The following PARVA variants were observed in gnomAD, a reference collection of about 807,000 sequenced individuals.
The protein encoded by PARVA is parvin alpha.
PARVA carries 25 observed loss-of-function variants against 52.6 expected under a neutral mutation model. The observed-to-expected ratio is 0.48, with a 90% CI of 0.35 to 0.66. The LOEUF (loss-of-function observed/expected upper bound fraction) is 0.66. PARVA is among the 30% of genes least tolerant of loss of function. The pLI, the probability that PARVA is intolerant of heterozygous loss-of-function variation, is 0.01. For missense variants in PARVA, 373 were observed against 450.9 expected (o/e 0.83, Z 1.56); for synonymous variants, 185 against 179.1 (o/e 1.03, Z -0.26).
chr11:12,420,753 C>A (rs762562399), intron 1 of PARVA, among the ~76,000 whole-genome samples: 3 of 152,200 alleles, frequency 2.0e-5, no homozygotes, highest in Non-Finnish European at 2.9e-5. Flanking sequence ...TCTTACCAAT[C>A]TTGTGGGGCA....
At chr11:12,491,972 C>G (rs1941239564) in intron 4 of PARVA, among the ~76,000 whole-genome samples, 1 of 152,188 alleles carries the variant, frequency 6.6e-6, no homozygotes, top group Non-Finnish European at 1.5e-5. Context: ...AATTCTCTGA[C>G]TACAATGCAA....
At chr11:12,500,658 G>A (rs2135063931) in intron 5 of PARVA, among the ~76,000 whole-genome samples, 2 of 151,610 alleles carry the variant, frequency 1.3e-5, no homozygotes, top group East Asian at 3.9e-4. Flanking sequence ...CAGCGTGGTG[G>A]CAGGTGCCTG....
At chr11:12,490,528 A>AAG (rs1554900463) in intron 4 of PARVA, among the ~76,000 whole-genome samples, 79 of 149,426 alleles carry the variant, frequency 5.3e-4, no homozygotes, top group Admixed American at 1.1e-3. Flanking sequence ...AAAAAAAAAA[A>AAG]AGAGAGAGAG....
At chr11:12,464,811 G>A (rs951472495) in intron 1 of PARVA, among the ~76,000 whole-genome samples, 3 of 152,182 alleles carry the variant, frequency 2.0e-5, no homozygotes, top group Non-Finnish European at 4.4e-5. Flanking sequence ...ATTGACTCAT[G>A]AGCACTCTAC....
chr11:12,401,876 T>C (rs1432954377), intron 1 of PARVA, among the ~76,000 whole-genome samples: 1 of 152,218 alleles, frequency 6.6e-6, no homozygotes, highest in Non-Finnish European at 1.5e-5. Context: ...CATGGGAGTG[T>C]GATTGCTTGT....
intron 1 of PARVA, among the ~76,000 whole-genome samples, chr11:12,383,804 A>G (rs1404760745): frequency 6.6e-6 from 1 of 152,132 alleles, no homozygotes; most frequent in Non-Finnish European, 1.5e-5. Flanking sequence ...AATTGTTGCA[A>G]TTCTCAAAAA....
At chr11:12,377,339 T>A (rs995135752), upstream of PARVA, 28 of 1,100,074 alleles carry the variant, frequency 2.5e-5, no homozygotes, top group Non-Finnish European at 2.9e-5. Context: ...GCTCGACCGC[T>A]CCCAACCTGG....
intron 12 of PARVA, among the ~76,000 whole-genome samples, chr11:12,521,959 G>T (rs1385613199): frequency 6.6e-6 from 1 of 152,204 alleles, no homozygotes; most frequent in Non-Finnish European, 1.5e-5. Flanking sequence ...CTGACACCGT[G>T]ATTTTATCTC....
Position 12,377,759 on chromosome 11 carries a change from G to C in PARVA, c.112G>C (p.Ala38Pro). The change falls in exon 1 of 13, where the codon GCC (alanine) becomes CCC (proline). Residue 38 changes from alanine (A) to proline (P), a missense_variant. Ala to Pro is a conservative substitution (Grantham distance 27). Coordinates refer to ENST00000334956, the MANE Select transcript of PARVA (RefSeq NM_018222.5). The stretch of plus-strand genomic sequence containing the variant: ...CTTGGGGAAACTCGGAGGGACCCTG[G>C]CCCGGAGGAAGAAAGCCAAGGAGGG... ...SFLGKLGGTLARRKKAKEVSE... is the reference protein window; with the variant it reads ...SFLGKLGGTLPRRKKAKEVSE... 1 of 1,529,330 alleles carries C rather than the reference G, an allele frequency of 6.5e-7. No homozygotes were observed. Among genetic ancestry groups the C allele is most frequent in the Non-Finnish European group, 8.7e-7 (1 of 1,143,056 alleles). 94.7% of individuals were successfully genotyped at this position (1,529,330 alleles called of 1,614,324 possible).
At chr11:12,395,091 C>CAAAA (rs901391955) in intron 1 of PARVA, among the ~76,000 whole-genome samples, 1 of 54,900 alleles carries the variant, frequency 1.8e-5, no homozygotes, top group Admixed American at 2.0e-4. Flanking sequence ...AACTCCATCT[C>CAAAA]AAAAAAAAAA....
At chr11:12,406,328 T>C (rs1216803213) in intron 1 of PARVA, among the ~76,000 whole-genome samples, 3 of 152,258 alleles carry the variant, frequency 2.0e-5, no homozygotes, top group African/African-American at 7.2e-5. Context: ...AGCCACGTTA[T>C]GGAGGATAAC....
At chr11:12,438,032 G>A (rs565837315) in intron 1 of PARVA, among the ~76,000 whole-genome samples, 5 of 152,184 alleles carry the variant, frequency 3.3e-5, no homozygotes, top group East Asian at 1.9e-4. Context: ...AGGCCGAGGC[G>A]GGTGGATCAC....
chr11:12,484,418 T>C (rs1331274514), intron 4 of PARVA, among the ~76,000 whole-genome samples: 2 of 152,248 alleles, frequency 1.3e-5, no homozygotes, highest in Non-Finnish European at 1.5e-5. Flanking sequence ...CAGTAACATG[T>C]GACTGAAACA....
intron 1 of PARVA, among the ~76,000 whole-genome samples, chr11:12,384,182 G>A (rs1005095538): frequency 6.6e-5 from 10 of 151,980 alleles, no homozygotes; most frequent in East Asian, 1.9e-4. Flanking sequence ...CCACTCTGTC[G>A]CCCTGACGTT....
At chr11:12,441,993 C>T (rs1054881414) in intron 1 of PARVA, among the ~76,000 whole-genome samples, 3 of 152,208 alleles carry the variant, frequency 2.0e-5, no homozygotes, top group Non-Finnish European at 1.5e-5. Context: ...GCCGACAGGT[C>T]GAAGGATTGT....
At chr11:12,465,941 A>T (rs1176942181) in intron 1 of PARVA, among the ~76,000 whole-genome samples, 1 of 152,254 alleles carries the variant, frequency 6.6e-6, no homozygotes, top group Non-Finnish European at 1.5e-5. Flanking sequence ...AGTGGCTCTT[A>T]CTATTTTGCA....
At chr11:12,508,844 A>G (rs1414088197) in intron 7 of PARVA, among the ~76,000 whole-genome samples, 1 of 152,224 alleles carries the variant, frequency 6.6e-6, no homozygotes, top group Non-Finnish European at 1.5e-5. Context: ...GTGGGGAAGT[A>G]GGGAGACGGA....
At chr11:12,502,662 G>A (rs917456586) in intron 5 of PARVA, among the ~76,000 whole-genome samples, 5 of 152,056 alleles carry the variant, frequency 3.3e-5, no homozygotes. Context: ...GAGACATGTC[G>A]AGAGGCAGGA....
At chr11:12,384,963 A>C (rs986370404) in intron 1 of PARVA, among the ~76,000 whole-genome samples, 4 of 152,094 alleles carry the variant, frequency 2.6e-5, no homozygotes, top group African/African-American at 9.7e-5. Context: ...GTTTTAACTG[A>C]TGGTGCTAAA....
Sources: gnomAD v4.1 joint callset for allele counts (sites outside exome capture counted in the v4.1 genomes callset) on GRCh38, gnomAD v4.1.1 for gene constraint, MANE v1.5 for transcripts, NCBI Gene and HGNC (gene_info 2026-07-23, HGNC 2026-07-21) for gene names.